Variants in FBXL7 observed in about 807,000 individuals in gnomAD.
FBXL7 encodes the protein F-box/LRR-repeat protein 7.
FBXL7 carries 12 observed loss-of-function variants against 38.3 expected under a neutral mutation model. That is an observed-to-expected ratio of 0.31 (90% confidence interval 0.20 to 0.51). The LOEUF (loss-of-function observed/expected upper bound fraction) is 0.51. Ranked by LOEUF, FBXL7 falls within the 20% of genes least tolerant of loss-of-function variation. FBXL7 has a pLI of 0.98. For missense variants in FBXL7, 567 were observed against 676.4 expected, an observed-to-expected ratio of 0.84 and a Z score of 1.79; for synonymous variants, 297 against 300.9, an observed-to-expected ratio of 0.99 and a Z score of 0.13.
At chr5:15,549,791 C>G (rs1349030456) in intron 1 of FBXL7, among the ~76,000 whole-genome samples, 1 of 152,244 alleles carries the variant, frequency 6.6e-6, no homozygotes, top group Non-Finnish European at 1.5e-5. Flanking sequence ...TGATGCCACT[C>G]TAACCACCCT....
chr5:15,773,493 T>G (rs1374783979), intron 2 of FBXL7, among the ~76,000 whole-genome samples: 1 of 151,948 alleles, frequency 6.6e-6, no homozygotes, highest in Non-Finnish European at 1.5e-5. Context: ...AATTTTTTTT[T>G]TTAAGTATCT....
chr5:15,678,144 C>A (rs1561081755), intron 2 of FBXL7, among the ~76,000 whole-genome samples: 1 of 152,158 alleles, frequency 6.6e-6, no homozygotes, highest in African/African-American at 2.4e-5. Context: ...CACATTACAA[C>A]CTTCATACTG....
At chr5:15,890,153 T>C (rs1740841036) in intron 2 of FBXL7, among the ~76,000 whole-genome samples, 1 of 152,038 alleles carries the variant, frequency 6.6e-6, no homozygotes, top group Admixed American at 6.5e-5. Flanking sequence ...TGTGGCCAGT[T>C]AGGAACTGGG....
At chr5:15,839,838 C>T (rs1342943242) in intron 2 of FBXL7, among the ~76,000 whole-genome samples, 1 of 152,088 alleles carries the variant, frequency 6.6e-6, no homozygotes, top group Non-Finnish European at 1.5e-5. Flanking sequence ...GATCCAAGCC[C>T]CCCACTTTTG....
chr5:15,733,675 G>T (rs532169006), intron 2 of FBXL7, among the ~76,000 whole-genome samples: 24 of 152,324 alleles, frequency 1.6e-4, no homozygotes, highest in African/African-American at 5.5e-4. Context: ...GAGGGTGAAT[G>T]CAGTGGTAGC....
At chr5:15,787,313 A>G (rs1737157719) in intron 2 of FBXL7, among the ~76,000 whole-genome samples, 1 of 152,342 alleles carries the variant, frequency 6.6e-6, no homozygotes, top group Admixed American at 6.5e-5. Flanking sequence ...AAGTGAAAGT[A>G]TTAAAAATAT....
chr5:15,540,896 T>A (rs1737721482), intron 1 of FBXL7, among the ~76,000 whole-genome samples: 1 of 152,158 alleles, frequency 6.6e-6, no homozygotes, highest in South Asian at 2.1e-4. Flanking sequence ...CATCTCCTGA[T>A]AGTATCACTT....
chr5:15,666,187 T>G (rs1055623331), intron 2 of FBXL7, among the ~76,000 whole-genome samples: 3 of 152,190 alleles, frequency 2.0e-5, no homozygotes, highest in African/African-American at 7.2e-5. Flanking sequence ...ATCTTGTTTT[T>G]ATTATTATTT....
rs142574121 is a variant in FBXL7, at chr5:15,697,620, A to G, written c.127+81548A>G. Among the ~76,000 whole-genome samples, 58 of 152,020 alleles carry G rather than the reference A, an allele frequency of 3.8e-4. 1 individual carries two copies. Among genetic ancestry groups the G allele is most frequent in the African/African-American group, 1.4e-3 (57 of 41,500 alleles). On this transcript the variant is annotated intron_variant, in intron 2 of 3. Coordinates refer to ENST00000504595, the MANE Select transcript of FBXL7 (RefSeq NM_012304.5). ...GAGTGGAAGGAGTGAGAACAGAATGATGGAGGTGCCAAAGACATTTTTCTG... is the reference window on the plus strand; with the variant it reads ...GAGTGGAAGGAGTGAGAACAGAATGGTGGAGGTGCCAAAGACATTTTTCTG...
At chr5:15,528,955 T>C (rs1479288035) in intron 1 of FBXL7, among the ~76,000 whole-genome samples, 1 of 149,318 alleles carries the variant, frequency 6.7e-6, no homozygotes, top group Non-Finnish European at 1.5e-5. Flanking sequence ...ATCTACTCTC[T>C]TAGCAATTTT....
intron 1 of FBXL7, among the ~76,000 whole-genome samples, chr5:15,567,676 A>G (rs1738629747): frequency 6.6e-6 from 1 of 151,964 alleles, no homozygotes; most frequent in Admixed American, 6.6e-5. Context: ...TACATGTGCC[A>G]TGTTGGTGTG....
chr5:15,656,025 C>T (rs1439289092), intron 2 of FBXL7, among the ~76,000 whole-genome samples: 1 of 152,088 alleles, frequency 6.6e-6, no homozygotes, highest in Non-Finnish European at 1.5e-5. Context: ...GTGTGTAATC[C>T]ATGTTTGTTT....
chr5:15,650,744 A>G (rs1230705022), intron 2 of FBXL7, among the ~76,000 whole-genome samples: 1 of 152,138 alleles, frequency 6.6e-6, no homozygotes. Context: ...ATGTCAAGAA[A>G]CCACTTTCTT....
chr5:15,715,177 G>A (rs1744004505), intron 2 of FBXL7, among the ~76,000 whole-genome samples: 2 of 152,038 alleles, frequency 1.3e-5, no homozygotes, highest in African/African-American at 4.8e-5. Context: ...ACAGGAAGAG[G>A]AATTAAGGCT....
intron 1 of FBXL7, among the ~76,000 whole-genome samples, 151 bp downstream of exon 1, chr5:15,500,864 A>G (rs986388388): frequency 6.6e-6 from 1 of 152,088 alleles, no homozygotes; most frequent in Non-Finnish European, 1.5e-5. Flanking sequence ...TTTGGCAGTG[A>G]GTGACCAGTG....
chr5:15,571,447 TAGTC>T (rs1738778468), intron 1 of FBXL7, among the ~76,000 whole-genome samples: 2 of 152,168 alleles, frequency 1.3e-5, no homozygotes, highest in Non-Finnish European at 2.9e-5. Flanking sequence ...TGCTTTAAGA[TAGTC>T]AGGTGGAAAT....
chr5:15,868,340 T>C (rs963993310), intron 2 of FBXL7, among the ~76,000 whole-genome samples: 3 of 152,220 alleles, frequency 2.0e-5, no homozygotes, highest in Admixed American at 6.5e-5. Context: ...GATCTTAGCC[T>C]GGTGAGATCC....
At chr5:15,900,990 T>G (rs1741219876) in intron 2 of FBXL7, among the ~76,000 whole-genome samples, 1 of 152,228 alleles carries the variant, frequency 6.6e-6, no homozygotes, top group African/African-American at 2.4e-5. Context: ...AGTAGGAACC[T>G]GCTTAACTTC....
At chr5:15,549,441 G>A (rs961155558) in intron 1 of FBXL7, among the ~76,000 whole-genome samples, 4 of 152,088 alleles carry the variant, frequency 2.6e-5, no homozygotes, top group Non-Finnish European at 4.4e-5. Context: ...ATTACATCAC[G>A]TGGGCCAAAT....
Sources: gnomAD v4.1 joint callset for allele counts (sites outside exome capture counted in the v4.1 genomes callset) on GRCh38, gnomAD v4.1.1 for gene constraint, MANE v1.5 for transcripts, NCBI Gene and HGNC (gene_info 2026-07-23, HGNC 2026-07-21) for gene names.